DNAH17: variants seen among roughly 807,000 people sequenced by gnomAD.
DNAH17 encodes axonemal beta dynein heavy chain 17.
DNAH17 carries 376 observed loss-of-function variants against 485.6 expected under a neutral mutation model. The observed-to-expected ratio is 0.77, with a 90% confidence interval of 0.71 to 0.84. DNAH17 has a LOEUF of 0.84. Among genes scored for constraint, DNAH17 ranks in the 40% least tolerant of loss-of-function variants. DNAH17 has a pLI of 0.00. For missense variants in DNAH17, 6,370 were observed against 5,839.3 expected (o/e 1.09, Z -2.96); for synonymous variants, 3,031 against 2,405.9 (o/e 1.26, Z -7.60).
chr17:78,444,768 A>G lies in DNAH17; in HGVS notation c.11364T>C (p.Asn3788=). 1 of 1,588,102 alleles carries G rather than the reference A, an allele frequency of 6.3e-7. No individual in the cohort carries two copies. The highest frequency in any genetic ancestry group is 8.5e-7 in the Non-Finnish European group (1 of 1,169,678). Residue 3788 remains asparagine (N), a synonymous_variant, in exon 71 of 81, where the codon AAT becomes AAC. Coordinates refer to ENST00000389840, the MANE Select transcript of DNAH17 (RefSeq NM_173628.4). ...CAGATCCTTCGATGTCACTGTCCAGATTTTTGAACTCATCCATCTCCGAGA... is the reference window on the plus strand; with the variant it reads ...CAGATCCTTCGATGTCACTGTCCAGGTTTTTGAACTCATCCATCTCCGAGA... ...KALSEMDEFK[N]LDSDIEGSAK... is the part of the protein sequence containing the mutation.
intron 49 of DNAH17, among the ~76,000 whole-genome samples, chr17:78,480,281 G>A (rs781323703): frequency 1.2e-4 from 18 of 152,002 alleles, no homozygotes; most frequent in Admixed American, 5.9e-4. Flanking sequence ...CCCGGGAAGC[G>A]GAGGTTGCAG....
rs773021663 is a variant in DNAH17 at position 78,428,580 on chromosome 17, A to T, written c.12533T>A (p.Met4178Lys). Residue 4178 changes from methionine (M) to lysine (K), a missense_variant, in exon 77 of 81, where the codon ATG (methionine) becomes AAG (lysine). Physicochemically the swap from Met to Lys is moderately conservative, Grantham distance 95 (BLOSUM62 -1). Transcript: ENST00000389840. ...CCCCGAGTCCGTCTCTTTTGGCTGC[A>T]TTTCCAGGACAGTGCGGAACAGCTT... Reference protein sequence around the residue: ...SEKLFRTVLEMQPKETDSGAG... With the variant: ...SEKLFRTVLEKQPKETDSGAG... The T allele has an allele frequency of 1.1e-5, 18 of 1,613,782 alleles. No homozygotes were observed. Among genetic ancestry groups the T allele is most frequent in the Non-Finnish European group, 1.5e-5 (18 of 1,179,842 alleles).
chr17:78,549,705 T>C (rs2091855326), intron 16 of DNAH17, among the ~76,000 whole-genome samples: 1 of 152,122 alleles, frequency 6.6e-6, no homozygotes. Flanking sequence ...TGGTCCTCTG[T>C]AGCGGGTGGT....
intron 55 of DNAH17, among the ~76,000 whole-genome samples, chr17:78,468,322 A>G (rs1232266776): frequency 6.6e-6 from 1 of 152,190 alleles, no homozygotes; most frequent in East Asian, 1.9e-4. Context: ...GCCCTTGAGC[A>G]TCCATCCCTC....
chr17:78,447,858 C>T lies in DNAH17; in HGVS notation c.11211+1556G>A, dbSNP rs370685317. 4.4e-4 allele frequency among the ~76,000 whole-genome samples: 51 copies of T among 116,460 alleles called. No homozygotes were observed. The South Asian group carries it at 0.012, about 28-fold the overall frequency. The allele number at this position is 116,460 out of a possible 152,430, so 76.4% of individuals were successfully genotyped here. A position where few individuals can be genotyped will look rare whatever the true frequency, so the allele number is the denominator to read the frequency against. Reference sequence around the variant, plus strand: ...CCCAGCCTGGGCAATGTAGCAAGACCCTGTTTCTTTAAAAACATTTTAAAA... The same window carrying T: ...CCCAGCCTGGGCAATGTAGCAAGACTCTGTTTCTTTAAAAACATTTTAAAA... On this transcript the variant is annotated intron_variant, in intron 69 of 80. Coordinates refer to ENST00000389840, the MANE Select transcript of DNAH17 (RefSeq NM_173628.4).
chr17:78,428,913 ATTTC>A (rs1389325944), intron 76 of DNAH17, among the ~76,000 whole-genome samples: 1 of 88,430 alleles, frequency 1.1e-5, no homozygotes, highest in Non-Finnish European at 2.2e-5. Context: ...CTGAGGCTGC[ATTTC>A]TTTCTTTAAA....
rs375531963 is a variant in DNAH17 at position 78,545,911 on chromosome 17, A to G, written c.2392-1914T>C. 2.6e-4 allele frequency among the ~76,000 whole-genome samples: 40 copies of G among 152,052 alleles called. No homozygotes were observed. In the East Asian group the frequency reaches 6.9e-3, roughly 26 times the overall value. On this transcript the variant is annotated intron_variant, in intron 16 of 80. Coordinates refer to ENST00000389840, the MANE Select transcript of DNAH17 (RefSeq NM_173628.4). ...CTCTAGTTGTTCTTTGCTGATTAAT[A>G]TTTTATGTGTATGTATGTATGCAAG...
intron 54 of DNAH17, among the ~76,000 whole-genome samples, chr17:78,472,175 C>T (rs1487712029): frequency 6.6e-6 from 1 of 152,018 alleles, no homozygotes; most frequent in African/African-American, 2.4e-5. Context: ...ATGCCACTGG[C>T]AGTAGACAGG....
chr17:78,439,061 C>T (rs373585956), intron 73 of DNAH17, 29 bp downstream of exon 73: 1 of 1,608,848 alleles, frequency 6.2e-7, no homozygotes, highest in Non-Finnish European at 8.5e-7. Context: ...GCGGGGAGCC[C>T]TTACCCTGCA....
chr17:78,552,932 T>C, intron 14 of DNAH17, 127 bp from the exon 15 acceptor site: 2 of 685,854 alleles, frequency 2.9e-6, no homozygotes, highest in Non-Finnish European at 5.2e-6. Flanking sequence ...TCAGGTCTCA[T>C]GTTGAATTGT....
intron 56 of DNAH17, 23 bp downstream of exon 56, chr17:78,466,632 C>A: frequency 6.3e-7 from 1 of 1,590,942 alleles, no homozygotes. Flanking sequence ...TACACTCAGG[C>A]AGAGGTGGCC....
chr17:78,471,939 G>A (rs2088771693), intron 54 of DNAH17, among the ~76,000 whole-genome samples: 1 of 152,182 alleles, frequency 6.6e-6, no homozygotes, highest in East Asian at 1.9e-4. Flanking sequence ...TCTCCTCCGG[G>A]CCTGGCCCCA....
rs560560049 is a variant in DNAH17, at chr17:78,460,051, C to T, written c.9436-50G>A. 4.5e-5 allele frequency: 72 copies of T among 1,603,646 alleles called. No individual in the cohort carries two copies. The Middle Eastern group carries it at 6.2e-4, about 14-fold the overall frequency. On this transcript the variant is annotated intron_variant, in intron 59 of 80. Coordinates refer to ENST00000389840, the MANE Select transcript of DNAH17 (RefSeq NM_173628.4). ...CCGATGGGAGTTTGGACCGGGTCCT[C>T]GGTGATGCCCCGAAGAAGCCGCCAT...
intron 16 of DNAH17, among the ~76,000 whole-genome samples, chr17:78,548,228 A>C (rs372873751): frequency 2.3e-5 from 1 of 44,170 alleles, no homozygotes; most frequent in Non-Finnish European, 4.4e-5. Context: ...TTTTGGAGAC[A>C]GAGTCTTGCT....
At chr17:78,467,783 C>T (rs1027106907) in intron 55 of DNAH17, among the ~76,000 whole-genome samples, 2 of 152,002 alleles carry the variant, frequency 1.3e-5, no homozygotes, top group African/African-American at 2.4e-5. Context: ...TTTGGGAGGC[C>T]GAGGCAGGTG....
intron 1 of DNAH17, among the ~76,000 whole-genome samples, chr17:78,576,143 G>A (rs1011255206): frequency 4.6e-5 from 7 of 152,190 alleles, no homozygotes; most frequent in South Asian, 2.1e-4. Context: ...GACAGATGAC[G>A]TTGGAAGCAC....
chr17:78,494,054 C>T lies in DNAH17; in HGVS notation c.6390G>A (p.Ala2130=), dbSNP rs747191830. The part of the protein sequence containing the change: ...VRHSVFIVGN[A]GSGKSQVLKS... ...GACACACCTGAGATTTGCCGCTGCCCGCATTCCCGACGATGAACACGGAGT... is the reference window on the plus strand; with the variant it reads ...GACACACCTGAGATTTGCCGCTGCCTGCATTCCCGACGATGAACACGGAGT... The change falls in exon 41 of 81, where the codon GCG becomes GCA. Residue 2130 remains alanine (A), a synonymous_variant. Coordinates refer to ENST00000389840, the MANE Select transcript of DNAH17 (RefSeq NM_173628.4). 197 of 1,612,616 alleles carry T rather than the reference C, an allele frequency of 1.2e-4. No individual in the cohort carries two copies. Among genetic ancestry groups the T allele is most frequent in the Admixed American group, 5.7e-4 (34 of 59,950 alleles).
At chr17:78,428,104 G>A (rs1249636351) in intron 77 of DNAH17, among the ~76,000 whole-genome samples, 1 of 152,130 alleles carries the variant, frequency 6.6e-6, no homozygotes, top group East Asian at 1.9e-4. Flanking sequence ...CTGCCATTGT[G>A]GCCACTGAGC....
chr17:78,532,896 CT>C, intron 19 of DNAH17, 160 bp from the exon 20 acceptor site: 1 of 822,426 alleles, frequency 1.2e-6, no homozygotes, highest in Non-Finnish European at 1.8e-6. Flanking sequence ...GATCACCCCT[CT>C]TTAGGCAACC....
Sources: allele counts gnomAD v4.1 joint callset (sites outside exome capture counted in the v4.1 genomes callset), GRCh38; gene constraint gnomAD v4.1.1; transcripts MANE v1.5; gene names NCBI Gene and HGNC (gene_info 2026-07-23, HGNC 2026-07-21).